Variants in CENPP observed in about 807,000 individuals in gnomAD.
CENPP encodes the protein centromere protein P.
CENPP carries 24 observed loss-of-function variants against 35.6 expected under a neutral mutation model. The ratio of observed to expected loss-of-function variants is 0.67; its 90% CI spans 0.49 to 0.95. The LOEUF is 0.95. CENPP is among the 40% of genes least tolerant of loss of function. CENPP has a pLI of 0.00. For missense variants in CENPP, 332 were observed against 345.3 expected (o/e 0.96, Z 0.31); for synonymous variants, 120 against 125.5 (o/e 0.96, Z 0.29).
intron 5 of CENPP, among the ~76,000 whole-genome samples, chr9:92,445,290 C>T (rs941651903): frequency 2.6e-5 from 4 of 152,118 alleles, no homozygotes; most frequent in African/African-American, 4.8e-5. Context: ...AGTCCCGGTG[C>T]GTGGTAGCCC....
rs567900413 is a variant in CENPP, at chr9:92,617,703, G to A, written c.*4554G>A. On this transcript the variant is annotated 3_prime_UTR_variant, in exon 8 of 8. Coordinates refer to ENST00000375587, the MANE Select transcript of CENPP (RefSeq NM_001012267.3). ...ACCGGGGGACCAGCAGCCTCCAAGG[G>A]TGCTGGGGATCGGGGTGGAGAAGCC... is the stretch of plus-strand genomic sequence containing the variant. The A allele has an allele frequency of 6.8e-3, 1,078 of 157,818 alleles. 2 individuals are homozygous for A. Among genetic ancestry groups the A allele is most frequent in the Admixed American group, 9.5e-3 (156 of 16,392 alleles). 9.8% of individuals were successfully genotyped at this position (157,818 alleles called of 1,614,324 possible). A position where few individuals can be genotyped will look rare whatever the true frequency, so the allele number is the denominator to read the frequency against.
At chr9:92,601,073 C>G (rs999567412) in intron 5 of CENPP, among the ~76,000 whole-genome samples, 1 of 152,138 alleles carries the variant, frequency 6.6e-6, no homozygotes, top group Non-Finnish European at 1.5e-5. Flanking sequence ...GTTTGCGTGT[C>G]CGAGCCTCAG....
In CENPP at chr9:92,381,202, A is replaced by G. The variant is rs144959521; in HGVS notation, c.564+1343A>G. Among the ~76,000 whole-genome samples the G allele has an allele frequency of 3.9e-5, 6 of 152,020 alleles. No individual in the cohort carries two copies. In the East Asian group the frequency reaches 1.2e-3, roughly 29 times the overall value. Reference sequence around the variant, plus strand: ...TTCTATGAATTTGACTATTCTAGGTACCTCATATATGTGGAGTGTCTTTTC... The same window carrying G: ...TTCTATGAATTTGACTATTCTAGGTGCCTCATATATGTGGAGTGTCTTTTC... On this transcript the variant is annotated intron_variant, in intron 5 of 7. Transcript: ENST00000375587.
intron 1 of CENPP, among the ~76,000 whole-genome samples, chr9:92,330,495 A>G (rs914280878): frequency 1.3e-5 from 2 of 152,168 alleles, no homozygotes; most frequent in Non-Finnish European, 2.9e-5. Context: ...TAGATAGCAA[A>G]TGAGAATTGG....
intron 5 of CENPP, chr9:92,465,059 C>T: frequency 6.9e-7 from 1 of 1,444,336 alleles, no homozygotes; most frequent in Non-Finnish European, 9.7e-7. Flanking sequence ...TGACTTAGCA[C>T]ACATAGGTTG....
intron 5 of CENPP, among the ~76,000 whole-genome samples, chr9:92,443,482 G>A (rs1453385552): frequency 6.6e-6 from 1 of 152,122 alleles, no homozygotes; most frequent in Non-Finnish European, 1.5e-5. Flanking sequence ...GTATTGCTAA[G>A]ATGCCAGTTC....
chr9:92,364,343 C>G (rs951999033), intron 4 of CENPP, among the ~76,000 whole-genome samples: 31 of 152,094 alleles, frequency 2.0e-4, no homozygotes, highest in African/African-American at 7.2e-4. Flanking sequence ...TAATATTCTG[C>G]TTTTAATGGA....
chr9:92,474,694 T>A, intron 5 of CENPP: 3 of 1,613,806 alleles, frequency 1.9e-6, no homozygotes, highest in Non-Finnish European at 2.5e-6. Context: ...ACAGATCAAA[T>A]GGAAAAAAAT....
intron 5 of CENPP, among the ~76,000 whole-genome samples, chr9:92,548,076 C>T (rs1849510269): frequency 6.6e-6 from 1 of 152,140 alleles, no homozygotes. Flanking sequence ...TTAGAGTTTT[C>T]CAGACACACA....
At chr9:92,416,071 T>TA (rs1491227873) in intron 5 of CENPP, among the ~76,000 whole-genome samples, 6,956 of 126,498 alleles carry the variant, frequency 0.055, 332 homozygotes, top group African/African-American at 0.11. Context: ...TATATATATA[T>TA]TTATTTATTT....
intron 5 of CENPP, among the ~76,000 whole-genome samples, chr9:92,555,687 A>G (rs1849710044): frequency 6.6e-6 from 1 of 152,150 alleles, no homozygotes; most frequent in South Asian, 2.1e-4. Context: ...ATAGGTGTTC[A>G]TAGTAGCCTT....
At chr9:92,408,803 T>C (rs775488824) in intron 5 of CENPP, among the ~76,000 whole-genome samples, 5 of 152,050 alleles carry the variant, frequency 3.3e-5, no homozygotes, top group African/African-American at 9.7e-5. Flanking sequence ...TGGGTGGGGG[T>C]TGGGGAAGCA....
At chr9:92,460,622 T>A in intron 5 of CENPP, 1 of 1,116,814 alleles carries the variant, frequency 9.0e-7, no homozygotes, top group Non-Finnish European at 1.3e-6. Flanking sequence ...CCCAATTGAC[T>A]ATTTGTTTAC....
At chr9:92,433,990 C>T (rs1267337871) in intron 5 of CENPP, among the ~76,000 whole-genome samples, 2 of 152,104 alleles carry the variant, frequency 1.3e-5, no homozygotes, top group African/African-American at 4.8e-5. Flanking sequence ...TTATCTTATA[C>T]TTTGTGCTCA....
intron 5 of CENPP, chr9:92,511,910 C>T (rs1214626616): frequency 1.3e-6 from 1 of 794,168 alleles, no homozygotes; most frequent in Non-Finnish European, 2.0e-6. Flanking sequence ...AGAAGACTAC[C>T]AATTAGAAGC....
intron 5 of CENPP, among the ~76,000 whole-genome samples, chr9:92,390,410 A>G (rs1842622496): frequency 6.6e-6 from 1 of 152,222 alleles, no homozygotes; most frequent in Non-Finnish European, 1.5e-5. Context: ...GATTGGAATC[A>G]TGTAATTTTT....
chr9:92,335,231 C>T (rs895487261), intron 2 of CENPP, among the ~76,000 whole-genome samples: 1 of 152,080 alleles, frequency 6.6e-6, no homozygotes, highest in African/African-American at 2.4e-5. Flanking sequence ...GAAAATTTAT[C>T]ATGCTATATA....
intron 5 of CENPP, among the ~76,000 whole-genome samples, chr9:92,486,693 T>C (rs1460604287): frequency 6.6e-6 from 1 of 152,170 alleles, no homozygotes; most frequent in Non-Finnish European, 1.5e-5. Flanking sequence ...AAATGAATTA[T>C]AATAAATTGT....
At chr9:92,447,718 C>T (rs1844589053) in intron 5 of CENPP, among the ~76,000 whole-genome samples, 1 of 152,050 alleles carries the variant, frequency 6.6e-6, no homozygotes, top group Non-Finnish European at 1.5e-5. Context: ...GGAATGGATG[C>T]AAGAAGCATG....
Sources: gnomAD v4.1 joint callset for allele counts (sites outside exome capture counted in the v4.1 genomes callset) on GRCh38, gnomAD v4.1.1 for gene constraint, MANE v1.5 for transcripts, NCBI Gene and HGNC (gene_info 2026-07-23, HGNC 2026-07-21) for gene names.